Variants in EFCAB14 observed in about 807,000 individuals in gnomAD.
The protein encoded by EFCAB14 is EF-hand calcium binding domain 14.
A neutral mutation model predicts 56.5 loss-of-function variants in EFCAB14; 43 were observed. The observed-to-expected ratio is 0.76, with a 90% CI of 0.60 to 0.98. The LOEUF is 0.98. Among genes scored for constraint, EFCAB14 ranks in the 50% least tolerant of loss-of-function variants. The pLI is 0.00. For synonymous variants in EFCAB14, 235 were observed against 212.9 expected (o/e 1.10, Z -0.90); for missense variants, 538 against 580.3 (o/e 0.93, Z 0.75).
At chr1:46,689,243 T>A (rs1676939187) in intron 6 of EFCAB14, among the ~76,000 whole-genome samples, 1 of 152,220 alleles carries the variant, frequency 6.6e-6, no homozygotes, top group Admixed American at 6.5e-5. Flanking sequence ...AAAATAGCCA[T>A]CACTCTGGAT....
Position 46,704,505 on chromosome 1 carries a change from A to G in EFCAB14, c.480+3401T>C, listed in dbSNP as rs1677207625. 4.1e-5 allele frequency among the ~76,000 whole-genome samples: 6 copies of G among 145,634 alleles called. No homozygotes were observed. In the South Asian group the frequency reaches 1.3e-3, roughly 32 times the overall value. On this transcript the variant is annotated intron_variant, in intron 3 of 10. Coordinates refer to ENST00000371933, the MANE Select transcript of EFCAB14 (RefSeq NM_014774.3). ...AAAAAAAAAAAAAAAAAAAGGTCAG[A>G]GAGCTTGTTTGCCCATTCTGTTCTG...
At chr1:46,706,012 A>G (rs894183996) in intron 3 of EFCAB14, among the ~76,000 whole-genome samples, 8 of 151,986 alleles carry the variant, frequency 5.3e-5, no homozygotes, top group African/African-American at 1.9e-4. Flanking sequence ...CTAAAGGTGT[A>G]CGCCACCATG....
rs1557443467 is a variant in EFCAB14 at position 46,691,831 on chromosome 1, T to C, written c.686A>G (p.Asp229Gly). 2 of 1,612,312 alleles carry C rather than the reference T, an allele frequency of 1.2e-6. No homozygotes were observed. Among genetic ancestry groups the C allele is most frequent in the Non-Finnish European group, 8.5e-7 (1 of 1,178,960 alleles). Residue 229 changes from aspartate (D) to glycine (G), a missense_variant, in exon 5 of 11, where the codon GAT (aspartate) becomes GGT (glycine). Coordinates refer to ENST00000371933, the MANE Select transcript of EFCAB14 (RefSeq NM_014774.3). ...HKKTMELLQS[D>G]MNQHFLKETP... Reference sequence around the variant, plus strand: ...TGACTTGCTGGGTCTCCTTACCATATCACTCTGCAGTAATTCCATCGTTTT... The same window carrying C: ...TGACTTGCTGGGTCTCCTTACCATACCACTCTGCAGTAATTCCATCGTTTT...
At chr1:46,682,765 T>G (rs1006528305) in intron 10 of EFCAB14, among the ~76,000 whole-genome samples, 2 of 152,230 alleles carry the variant, frequency 1.3e-5, no homozygotes, top group Non-Finnish European at 2.9e-5. Flanking sequence ...GGTTTGTGCT[T>G]GTAATCCCAG....
At chr1:46,713,844 A>G (rs1677347370) in intron 2 of EFCAB14, among the ~76,000 whole-genome samples, 1 of 152,268 alleles carries the variant, frequency 6.6e-6, no homozygotes, top group East Asian at 1.9e-4. Context: ...CTGAGAACCT[A>G]ATTTCCAAGT....
At chr1:46,706,726 A>T (rs776178669) in intron 3 of EFCAB14, among the ~76,000 whole-genome samples, 3 of 152,234 alleles carry the variant, frequency 2.0e-5, no homozygotes, top group Non-Finnish European at 4.4e-5. Context: ...CTAATTACTT[A>T]GAGTCCAAAG....
At chr1:46,714,373 G>T (rs1408515390) in intron 2 of EFCAB14, among the ~76,000 whole-genome samples, 2 of 150,544 alleles carry the variant, frequency 1.3e-5, no homozygotes, top group African/African-American at 2.5e-5. Context: ...GTTGAAACTG[G>T]TTCCTTTGCT....
chr1:46,698,698 AG>A (rs750794562), intron 3 of EFCAB14, among the ~76,000 whole-genome samples: 35 of 152,324 alleles, frequency 2.3e-4, no homozygotes, highest in Non-Finnish European at 4.0e-4. Flanking sequence ...TTTAGGTGGC[AG>A]GATCTCATAA....
chr1:46,684,189 T>C (rs1021783916), intron 9 of EFCAB14: 48 of 262,066 alleles, frequency 1.8e-4, no homozygotes, highest in African/African-American at 9.7e-4. Context: ...AAACAACTTT[T>C]AGGGCTGGCT....
intron 6 of EFCAB14, 114 bp downstream of exon 6, chr1:46,689,473 A>G: frequency 3.2e-6 from 3 of 927,040 alleles, no homozygotes; most frequent in South Asian, 3.0e-5. Context: ...GCTCCCAGGC[A>G]GGCAAATAAA....
intron 8 of EFCAB14, 97 bp from the exon 9 acceptor site, chr1:46,684,699 G>T (rs1676851418): frequency 1.0e-6 from 1 of 956,018 alleles, no homozygotes; most frequent in South Asian, 1.4e-5. Flanking sequence ...TGTAGTGTTT[G>T]ACCCTCAGTA....
At chr1:46,688,754 A>C (rs1300254230) in intron 6 of EFCAB14, among the ~76,000 whole-genome samples, 2 of 152,218 alleles carry the variant, frequency 1.3e-5, no homozygotes, top group Non-Finnish European at 2.9e-5. Context: ...AGGAGGGGGA[A>C]AGAGGGAAGA....
Position 46,718,438 on chromosome 1 carries a change from C to A in EFCAB14, c.-351G>T. 1 of 179,176 alleles carries A rather than the reference C, an allele frequency of 5.6e-6. No homozygotes were observed. The highest frequency in any genetic ancestry group is 1.2e-5 in the Non-Finnish European group (1 of 84,794). The allele number at this position is 179,176 out of a possible 1,614,324, so 11.1% of individuals were successfully genotyped here. A position where few individuals can be genotyped will look rare whatever the true frequency, so the allele number is the denominator to read the frequency against. Reference sequence around the variant, plus strand: ...CAGGTCAAAAATGAAGGATTCTCAGCCCGGATAAGTAGGCAATACTTCTAA... The same window carrying A: ...CAGGTCAAAAATGAAGGATTCTCAGACCGGATAAGTAGGCAATACTTCTAA... On this transcript the variant is annotated 5_prime_UTR_variant, in exon 1 of 11. Transcript: ENST00000371933.
intron 4 of EFCAB14, 38 bp from the exon 5 acceptor site, chr1:46,691,975 A>G: frequency 1.3e-6 from 2 of 1,494,838 alleles, no homozygotes; most frequent in South Asian, 2.3e-5. Context: ...AAAAAGCTTT[A>G]AGAGACAACT....
chr1:46,700,073 T>C (rs1288676486), intron 3 of EFCAB14, among the ~76,000 whole-genome samples: 3 of 152,184 alleles, frequency 2.0e-5, no homozygotes, highest in Non-Finnish European at 4.4e-5. Context: ...ACATCTTAAT[T>C]GCAACCTTAG....
chr1:46,698,580 A>G (rs963989815), intron 3 of EFCAB14, among the ~76,000 whole-genome samples: 3 of 152,226 alleles, frequency 2.0e-5, no homozygotes, highest in Admixed American at 2.0e-4. Flanking sequence ...AATAGTAAGA[A>G]AGAATTAATC....
chr1:46,702,378 C>T (rs1324622910), intron 3 of EFCAB14, among the ~76,000 whole-genome samples: 2 of 152,188 alleles, frequency 1.3e-5, no homozygotes, highest in Admixed American at 1.3e-4. Flanking sequence ...TCAGCTTTAT[C>T]TACTGAGCAC....
chr1:46,706,292 G>A (rs1449574214), intron 3 of EFCAB14, among the ~76,000 whole-genome samples: 1 of 152,164 alleles, frequency 6.6e-6, no homozygotes, highest in Non-Finnish European at 1.5e-5. Flanking sequence ...CTTCTCAGGT[G>A]CTTCTTGCAT....
chr1:46,678,649 AATTACAAAAAATGT>A lies in EFCAB14; in HGVS notation c.1313-27_1313-14del, dbSNP rs765518435. The A allele has an allele frequency of 2.1e-5, 33 of 1,602,416 alleles. No homozygotes were observed. In the African/African-American group the frequency reaches 4.2e-4, roughly 20 times the overall value. On this transcript the variant is annotated splice_polypyrimidine_tract_variant and intron_variant, in intron 10 of 10. Coordinates refer to ENST00000371933, the MANE Select transcript of EFCAB14 (RefSeq NM_014774.3). The stretch of plus-strand genomic sequence containing the variant: ...AAATCCTGAAGATCTGTCAAAAATG[AATTACAAAAAATGT>A]ATACGTCTAAACATACAGCTAAATT...
Sources: allele counts gnomAD v4.1 joint callset (sites outside exome capture counted in the v4.1 genomes callset), GRCh38; gene constraint gnomAD v4.1.1; transcripts MANE v1.5; gene names NCBI Gene and HGNC (gene_info 2026-07-23, HGNC 2026-07-21).